The following NHLRC2 variants were observed in gnomAD, a reference collection of about 807,000 sequenced individuals.
The protein encoded by NHLRC2 is NHL repeat-containing protein 2.
In NHLRC2, 33 loss-of-function variants were observed where a neutral mutation model predicts 68.1. The observed-to-expected ratio is 0.48, with a 90% CI of 0.37 to 0.65. The LOEUF (loss-of-function observed/expected upper bound fraction) is 0.65. Among genes scored for constraint, NHLRC2 ranks in the 30% least tolerant of loss-of-function variants. The pLI, the probability that NHLRC2 is intolerant of heterozygous loss-of-function variation, is 0.00. For synonymous variants in NHLRC2, 311 were observed against 309.6 expected, an observed-to-expected ratio of 1.00 and a Z score of -0.05; for missense variants, 761 against 853.8, an observed-to-expected ratio of 0.89 and a Z score of 1.35.
chr10:113,893,250 G>T (rs898039262), intron 5 of NHLRC2, among the ~76,000 whole-genome samples: 3 of 152,106 alleles, frequency 2.0e-5, no homozygotes, highest in African/African-American at 7.2e-5. Flanking sequence ...CCAGAGCTAA[G>T]TCTGCATGGG....
intron 4 of NHLRC2, among the ~76,000 whole-genome samples, chr10:113,881,518 A>C (rs563069601): frequency 6.6e-6 from 1 of 151,900 alleles, no homozygotes; most frequent in Non-Finnish European, 1.5e-5. Flanking sequence ...ACATTGTTTC[A>C]TGCAGACCCT....
intron 1 of NHLRC2, among the ~76,000 whole-genome samples, chr10:113,857,565 A>G (rs531735690): frequency 6.6e-6 from 1 of 152,268 alleles, no homozygotes; most frequent in East Asian, 1.9e-4. Context: ...GCTAAAAGCT[A>G]TTCTAAATAC....
intron 9 of NHLRC2, among the ~76,000 whole-genome samples, chr10:113,904,499 TATA>T (rs1327304558): frequency 1.3e-5 from 2 of 152,202 alleles, no homozygotes; most frequent in Non-Finnish European, 1.5e-5. Context: ...CAATGAAAAT[TATA>T]AGAAAATGTA....
Position 113,908,548 on chromosome 10 carries a change from G to T in NHLRC2, c.*12G>T, listed in dbSNP as rs923860762. 3.7e-6 allele frequency: 6 copies of T among 1,613,438 alleles called. No individual in the cohort carries two copies. The highest frequency in any genetic ancestry group is 1.7e-5 in the Admixed American group (1 of 59,998). On this transcript the variant is annotated 3_prime_UTR_variant, in exon 11 of 11. Coordinates refer to ENST00000369301, the MANE Select transcript of NHLRC2 (RefSeq NM_198514.4). ...GGTATGTATTTTAGCCAGCCAGCTA[G>T]CTAGCAACCCATTGCCACCACCTAC...
intron 2 of NHLRC2, among the ~76,000 whole-genome samples, chr10:113,868,225 T>C (rs940077698): frequency 2.6e-5 from 4 of 152,156 alleles, no homozygotes; most frequent in Non-Finnish European, 5.9e-5. Flanking sequence ...ATTTTTGATA[T>C]AGTTTCTCCT....
intron 2 of NHLRC2, among the ~76,000 whole-genome samples, chr10:113,859,183 C>T (rs905851724): frequency 6.6e-6 from 1 of 151,988 alleles, no homozygotes; most frequent in Non-Finnish European, 1.5e-5. Context: ...TTTATTACAG[C>T]TAATGTTTTT....
chr10:113,868,680 CATATAAT>C (rs1432937037), intron 2 of NHLRC2, among the ~76,000 whole-genome samples: 1 of 152,076 alleles, frequency 6.6e-6, no homozygotes, highest in Non-Finnish European at 1.5e-5. Flanking sequence ...CAAAAGAAGG[CATATAAT>C]TAAATAATCA....
intron 1 of NHLRC2, among the ~76,000 whole-genome samples, chr10:113,855,467 T>G (rs1001352996): frequency 4.0e-5 from 6 of 150,448 alleles, no homozygotes; most frequent in South Asian, 4.2e-4. Context: ...ACACACAGGG[T>G]TTTTTTTTGT....
At chr10:113,888,213 T>C (rs1457543290) in intron 5 of NHLRC2, among the ~76,000 whole-genome samples, 3 of 152,156 alleles carry the variant, frequency 2.0e-5, no homozygotes, top group African/African-American at 7.2e-5. Flanking sequence ...AAAGTTTCAA[T>C]TGGAGGAATA....
In NHLRC2 at chr10:113,911,486, A is replaced by G. The variant is rs554670033; in HGVS notation, c.*2950A>G. 1.3e-5 allele frequency: 2 copies of G among 152,244 alleles called. No homozygotes were observed. The highest frequency in any genetic ancestry group is 3.9e-4 in the East Asian group (2 of 5,186). The allele number at this position is 152,244 out of a possible 1,614,324, so 9.4% of individuals were successfully genotyped here. On this transcript the variant is annotated 3_prime_UTR_variant, in exon 11 of 11. Transcript: ENST00000369301. Reference sequence around the variant, plus strand: ...TAAATCCTAACAGCCAGAAAAAAAAATTTACTATGTGTATATTTATATAGG... The same window carrying G: ...TAAATCCTAACAGCCAGAAAAAAAAGTTTACTATGTGTATATTTATATAGG...
In NHLRC2 at chr10:113,884,389, A is replaced by T; in HGVS notation, c.1039+9A>T. The T allele has an allele frequency of 6.2e-7, 1 of 1,602,058 alleles. No homozygotes were observed. Among genetic ancestry groups the T allele is most frequent in the South Asian group, 1.1e-5 (1 of 89,892 alleles). On this transcript the variant is annotated intron_variant, in intron 5 of 10. Transcript: ENST00000369301. The stretch of plus-strand genomic sequence containing the variant: ...AGTTTTTGGAACATCAGGTATGTGA[A>T]CTTTTGATATTAAATGTAAAGGTAA...
rs1241625707 is a variant in NHLRC2 at position 113,908,307 on chromosome 10, TAGC to T, written c.1956_1958del (p.Ala653del). 1.9e-6 allele frequency: 3 copies of T among 1,613,414 alleles called. No individual in the cohort carries two copies. In the African/African-American group the frequency reaches 4.0e-5, roughly 22 times the overall value. ...AATGAATGGCTACTTCAAGGACAGA[TAGC>T]AGCTGGAGATATAGAGAACATTTCC... On this transcript the variant is annotated inframe_deletion, in exon 11 of 11. Coordinates refer to ENST00000369301, the MANE Select transcript of NHLRC2 (RefSeq NM_198514.4).
At chr10:113,870,689 G>A (rs1845914321) in intron 2 of NHLRC2, among the ~76,000 whole-genome samples, 1 of 152,210 alleles carries the variant, frequency 6.6e-6, no homozygotes, top group Non-Finnish European at 1.5e-5. Context: ...AAGTACATAT[G>A]TAGTTTCGTT....
intron 2 of NHLRC2, among the ~76,000 whole-genome samples, chr10:113,867,741 T>G (rs1193888296): frequency 6.6e-6 from 1 of 152,008 alleles, no homozygotes; most frequent in African/African-American, 2.4e-5. Flanking sequence ...TACAGGTTTT[T>G]GTTTTTGTTT....
intron 2 of NHLRC2, among the ~76,000 whole-genome samples, chr10:113,873,870 A>G (rs1301165786): frequency 6.6e-6 from 1 of 152,100 alleles, no homozygotes; most frequent in Non-Finnish European, 1.5e-5. Flanking sequence ...TATTGCTTTC[A>G]TTTGCCTTGC....
At position 113,914,591 on chromosome 10, in the gene NHLRC2, T is replaced by C. The variant is rs568554643; in HGVS notation, c.*6055T>C. The C allele has an allele frequency of 4.7e-6, 1 of 214,334 alleles. No homozygotes were observed. The highest frequency in any genetic ancestry group is 2.4e-5 in the African/African-American group (1 of 42,438). The allele number at this position is 214,334 out of a possible 1,614,324, so 13.3% of individuals were successfully genotyped here. On this transcript the variant is annotated 3_prime_UTR_variant, in exon 11 of 11. Transcript: ENST00000369301. ...TTAGTGTGCTAATTAAGTAGTAGTATGGTGCAGTAAGGAATTTTGTTAATT... is the reference window on the plus strand; with the variant it reads ...TTAGTGTGCTAATTAAGTAGTAGTACGGTGCAGTAAGGAATTTTGTTAATT...
At chr10:113,865,083 G>A (rs191421050) in intron 2 of NHLRC2, among the ~76,000 whole-genome samples, 1 of 151,816 alleles carries the variant, frequency 6.6e-6, no homozygotes, top group African/African-American at 2.4e-5. Context: ...CCGAGTAGCT[G>A]GGACTACAGG....
chr10:113,909,753 C>A lies in NHLRC2; in HGVS notation c.*1217C>A, dbSNP rs1846309074. ...AGCCTAATCTTGTTTTCCTTAAGAC[C>A]TATTCAACATGTTTGTGATTTAATC... is the stretch of plus-strand genomic sequence containing the variant. On this transcript the variant is annotated 3_prime_UTR_variant, in exon 11 of 11. Coordinates refer to ENST00000369301, the MANE Select transcript of NHLRC2 (RefSeq NM_198514.4). 1 of 151,900 alleles carries A rather than the reference C, an allele frequency of 6.6e-6. No homozygotes were observed. Among genetic ancestry groups the A allele is most frequent in the African/African-American group, 2.4e-5 (1 of 41,338 alleles). The allele number at this position is 151,900 out of a possible 1,614,324, so 9.4% of individuals were successfully genotyped here.
Position 113,901,775 on chromosome 10 carries a change from T to G in NHLRC2, c.1249T>G (p.Leu417Val). The change falls in exon 7 of 11, where the codon TTG (leucine) becomes GTG (valine). Residue 417 changes from leucine (L) to valine (V), a missense_variant. Transcript: ENST00000369301. ...TTTTGCCCAACCTTCAGGCCTTTCC[T>G]TGGCCTCTGAAGATCCCTGGAGCTG... ...AGFAQPSGLS[L>V]ASEDPWSCLF... 6.2e-7 allele frequency: 1 copy of G among 1,614,030 alleles called. No individual in the cohort carries two copies. The highest frequency in any genetic ancestry group is 8.5e-7 in the Non-Finnish European group (1 of 1,179,866).
Sources: gnomAD v4.1 joint callset for allele counts (sites outside exome capture counted in the v4.1 genomes callset) on GRCh38, gnomAD v4.1.1 for gene constraint, MANE v1.5 for transcripts, NCBI Gene and HGNC (gene_info 2026-07-23, HGNC 2026-07-21) for gene names.